ADAMTSL1: variants seen among roughly 807,000 people sequenced by gnomAD.
ADAMTSL1 encodes the protein ADAMTS like 1, also known as ADAMTS-like protein 1.
In ADAMTSL1, 126 loss-of-function variants were observed where a neutral mutation model predicts 201.8. That is an observed-to-expected ratio of 0.62 (90% CI 0.54 to 0.72). ADAMTSL1 has a LOEUF of 0.72. ADAMTSL1 is among the 30% of genes least tolerant of loss of function. ADAMTSL1 has a pLI of 0.00. For synonymous variants in ADAMTSL1, 1,121 were observed against 903.4 expected (o/e 1.24, Z -4.32); for missense variants, 2,679 against 2,277.8 (o/e 1.18, Z -3.59).
chr9:18,365,379 A>T (rs1836723022), intron 2 of ADAMTSL1, among the ~76,000 whole-genome samples: 1 of 152,230 alleles, frequency 6.6e-6, no homozygotes, highest in African/African-American at 2.4e-5. Flanking sequence ...ATTCATATGT[A>T]GAAAAACTAT....
chr9:18,565,560 C>A (rs954619208), intron 3 of ADAMTSL1, among the ~76,000 whole-genome samples: 1 of 140,998 alleles, frequency 7.1e-6, no homozygotes, highest in African/African-American at 2.7e-5. Context: ...CCATTTAATC[C>A]TAGTTATGAA....
chr9:18,623,583 T>G (rs2132683623), intron 5 of ADAMTSL1, among the ~76,000 whole-genome samples: 1 of 152,312 alleles, frequency 6.6e-6, no homozygotes, highest in East Asian at 1.9e-4. Flanking sequence ...CAGGTCCTGC[T>G]AGGATAGATG....
chr9:18,159,323 A>C lies in ADAMTSL1; in HGVS notation c.88-4539A>C, dbSNP rs566607369. 2.6e-5 allele frequency among the ~76,000 whole-genome samples: 4 copies of C among 152,156 alleles called. No individual in the cohort carries two copies. In the East Asian group the frequency reaches 7.7e-4, roughly 29 times the overall value. On this transcript the variant is annotated intron_variant, in intron 1 of 29. Coordinates refer to the ADAMTSL1 transcript ENST00000680146. ...GAAACCTAAGTCCTACCCATGAGAC[A>C]TGAGCTTGGCTATGATTCAGTTTTC...
chr9:18,647,301 G>T (rs1252724353), intron 7 of ADAMTSL1, among the ~76,000 whole-genome samples: 1 of 151,560 alleles, frequency 6.6e-6, no homozygotes, highest in African/African-American at 2.4e-5. Context: ...AGTCTTCCTA[G>T]TGGTCTATCA....
intron 4 of ADAMTSL1, among the ~76,000 whole-genome samples, chr9:18,600,227 G>A (rs1310878543): frequency 6.6e-6 from 1 of 152,058 alleles, no homozygotes; most frequent in East Asian, 1.9e-4. Flanking sequence ...AAGAACTATT[G>A]TTATCATGAT....
intron 2 of ADAMTSL1, chr9:18,360,516 G>A (rs1836470543): frequency 6.6e-6 from 1 of 152,096 alleles, no homozygotes; most frequent in Admixed American, 6.6e-5. Context: ...GGGTAAAGAG[G>A]TGAGATACCC....
intron 1 of ADAMTSL1, among the ~76,000 whole-genome samples, chr9:18,052,120 C>CT (rs772563911): frequency 6.6e-6 from 1 of 152,290 alleles, no homozygotes; most frequent in Non-Finnish European, 1.5e-5. Context: ...TCACCTTCAC[C>CT]TTGTGAAAAT....
At chr9:18,337,990 C>T (rs1187321404) in intron 2 of ADAMTSL1, among the ~76,000 whole-genome samples, 1 of 151,930 alleles carries the variant, frequency 6.6e-6, no homozygotes, top group Non-Finnish European at 1.5e-5. Flanking sequence ...AGGAGTGGGG[C>T]AAAAGATGAA....
intron 2 of ADAMTSL1, among the ~76,000 whole-genome samples, chr9:18,262,781 G>A (rs921813191): frequency 2.0e-5 from 3 of 152,198 alleles, no homozygotes; most frequent in Non-Finnish European, 4.4e-5. Context: ...ATTCTGATTG[G>A]TTTCTGCAAG....
intron 2 of ADAMTSL1, among the ~76,000 whole-genome samples, chr9:18,212,092 G>C (rs1326764115): frequency 2.0e-5 from 3 of 152,112 alleles, no homozygotes; most frequent in Non-Finnish European, 4.4e-5. Flanking sequence ...TTAGGCACCA[G>C]AAAAAATTCT....
intron 1 of ADAMTSL1, among the ~76,000 whole-genome samples, chr9:17,914,542 A>G (rs948134156): frequency 2.0e-5 from 3 of 151,880 alleles, no homozygotes; most frequent in Non-Finnish European, 4.4e-5. Flanking sequence ...AGAGCTATCT[A>G]TGACAAACCC....
At chr9:17,915,369 C>G (rs1056566587) in intron 1 of ADAMTSL1, among the ~76,000 whole-genome samples, 1 of 152,122 alleles carries the variant, frequency 6.6e-6, no homozygotes, top group African/African-American at 2.4e-5. Flanking sequence ...TGAGATTATT[C>G]CTGTTATAGC....
chr9:17,974,621 C>T (rs1274237791), intron 1 of ADAMTSL1, among the ~76,000 whole-genome samples: 2 of 152,096 alleles, frequency 1.3e-5, no homozygotes, highest in South Asian at 4.1e-4. Context: ...CAGTATTTAT[C>T]TTTCTGTGCC....
At chr9:18,164,164 T>C (rs1000563530) in intron 2 of ADAMTSL1, among the ~76,000 whole-genome samples, 2 of 151,934 alleles carry the variant, frequency 1.3e-5, no homozygotes, top group African/African-American at 4.8e-5. Flanking sequence ...CTTTCTGACT[T>C]TTCCTGGGTC....
At chr9:17,934,032 A>G (rs1264560494) in intron 1 of ADAMTSL1, among the ~76,000 whole-genome samples, 1 of 152,142 alleles carries the variant, frequency 6.6e-6, no homozygotes, top group Admixed American at 6.6e-5. Context: ...TGCTGCACAA[A>G]TGGCTCTCAC....
intron 1 of ADAMTSL1, among the ~76,000 whole-genome samples, chr9:18,084,904 C>G (rs1169254334): frequency 1.3e-5 from 2 of 152,040 alleles, no homozygotes; most frequent in East Asian, 3.9e-4. Context: ...AAAAATAAAG[C>G]TTGCAAAGAG....
chr9:18,689,643 G>A (rs1831093100), intron 13 of ADAMTSL1, among the ~76,000 whole-genome samples: 1 of 152,210 alleles, frequency 6.6e-6, no homozygotes, highest in South Asian at 2.1e-4. Flanking sequence ...ACTTAGGGAA[G>A]CCAGGTTCTT....
At chr9:18,065,115 C>G (rs929049462) in intron 1 of ADAMTSL1, among the ~76,000 whole-genome samples, 7 of 151,880 alleles carry the variant, frequency 4.6e-5, no homozygotes, top group African/African-American at 1.5e-4. Flanking sequence ...TTCTCTGCAG[C>G]TGGGAAAGTA....
At chr9:18,298,844 T>C (rs1006454323) in intron 2 of ADAMTSL1, among the ~76,000 whole-genome samples, 3 of 151,838 alleles carry the variant, frequency 2.0e-5, no homozygotes, top group African/African-American at 7.3e-5. Context: ...ACCCCGTCTC[T>C]ATTAAAAATA....
Sources: gnomAD v4.1 joint callset for allele counts (sites outside exome capture counted in the v4.1 genomes callset) on GRCh38, gnomAD v4.1.1 for gene constraint, MANE v1.5 for transcripts, NCBI Gene and HGNC (gene_info 2026-07-23, HGNC 2026-07-21) for gene names.